The following TNRC18 variants were observed in gnomAD, a reference collection of about 807,000 sequenced individuals.
TNRC18 encodes the protein trinucleotide repeat containing 18.
Under a neutral mutation model 226.7 loss-of-function variants are expected in TNRC18, and 69 were observed. That is an observed-to-expected ratio of 0.30 (90% CI 0.25 to 0.37). The LOEUF is 0.37. TNRC18 is among the 10% of genes least tolerant of loss of function. The pLI, the probability that TNRC18 is intolerant of heterozygous loss-of-function variation, is 1.00. For missense variants in TNRC18, 4,754 were observed against 4,256.6 expected, an observed-to-expected ratio of 1.12 and a Z score of -3.25; for synonymous variants, 2,449 against 1,927.6, an observed-to-expected ratio of 1.27 and a Z score of -7.09.
intron 2 of TNRC18, chr7:5,407,454 G>A (rs1360242178): frequency 6.6e-6 from 1 of 152,200 alleles, no homozygotes; most frequent in Non-Finnish European, 1.5e-5. Flanking sequence ...CCAGCGGAAA[G>A]CCATCCCTGA....
intron 3 of TNRC18, among the ~76,000 whole-genome samples, chr7:5,391,880 G>T (rs1453159848): frequency 6.7e-6 from 1 of 149,526 alleles, no homozygotes; most frequent in East Asian, 2.0e-4. Flanking sequence ...TTTTTAAAGG[G>T]CACACAGAAT....
At chr7:5,325,838 G>T (rs529665954) in intron 19 of TNRC18, among the ~76,000 whole-genome samples, 1 of 142,630 alleles carries the variant, frequency 7.0e-6, no homozygotes, top group Non-Finnish European at 1.5e-5. Flanking sequence ...CTGGGCTCAC[G>T]TTATCCTCCT....
intron 11 of TNRC18, among the ~76,000 whole-genome samples, chr7:5,368,050 A>AG (rs1236979733): frequency 1.5e-4 from 10 of 65,280 alleles, no homozygotes; most frequent in East Asian, 2.9e-4. Flanking sequence ...TTTGCAACGG[A>AG]GAAAAAAAAA....
chr7:5,416,243 T>C (rs1039971471), intron 2 of TNRC18, among the ~76,000 whole-genome samples: 2 of 151,306 alleles, frequency 1.3e-5, no homozygotes, highest in African/African-American at 4.9e-5. Flanking sequence ...TGAAACCCCG[T>C]CTGTACTAAA....
Position 5,406,298 on chromosome 7 carries a change from A to G in TNRC18, c.188-11703T>C, listed in dbSNP as rs147355212. Among the ~76,000 whole-genome samples the G allele has an allele frequency of 5.5e-3, 837 of 151,966 alleles. 11 individuals are homozygous for G. Among genetic ancestry groups the G allele is most frequent in the African/African-American group, 0.019 (793 of 41,422 alleles). On this transcript the variant is annotated intron_variant, in intron 2 of 29. Coordinates refer to ENST00000430969, the MANE Select transcript of TNRC18 (RefSeq NM_001080495.3). Reference sequence around the variant, plus strand: ...ACCAACATGGTGAAATCCCATCTCTACAAAAAATACAAAAAATAGCCCATT... The same window carrying G: ...ACCAACATGGTGAAATCCCATCTCTGCAAAAAATACAAAAAATAGCCCATT...
intron 2 of TNRC18, among the ~76,000 whole-genome samples, chr7:5,408,271 C>G (rs1781609915): frequency 6.7e-6 from 1 of 149,982 alleles, no homozygotes; most frequent in African/African-American, 2.5e-5. Flanking sequence ...TGCACTCCAG[C>G]CTGGCGACAG....
chr7:5,382,382 C>T (rs992404966), intron 5 of TNRC18, among the ~76,000 whole-genome samples: 1 of 152,168 alleles, frequency 6.6e-6, no homozygotes, highest in Non-Finnish European at 1.5e-5. Flanking sequence ...AGCAAAAGCC[C>T]CCGAGTCTGC....
At position 5,388,499 on chromosome 7, in the gene TNRC18, G is replaced by C. The variant is rs1272952579; in HGVS notation, c.1325C>G (p.Ala442Gly). 9.0e-6 allele frequency: 12 copies of C among 1,338,014 alleles called. No homozygotes were observed. Among genetic ancestry groups the C allele is most frequent in the African/African-American group, 1.6e-5 (1 of 63,494 alleles). 82.9% of individuals were successfully genotyped at this position (1,338,014 alleles called of 1,614,324 possible). Residue 442 changes from alanine to glycine, a missense_variant, in exon 5 of 30, where the codon GCG becomes GGG. Transcript: ENST00000430969. ...TGTGGCCCGCACCGTGGGGGCATCC[G>C]CGGGGGGCGGCCGCTTGAGCGAGCG... ...VIRSLKRPPPADAPTVRATRA... is the reference protein window; with the variant it reads ...VIRSLKRPPPGDAPTVRATRA...
intron 19 of TNRC18, among the ~76,000 whole-genome samples, chr7:5,327,417 G>A (rs989839997): frequency 6.6e-6 from 1 of 150,748 alleles, no homozygotes; most frequent in African/African-American, 2.4e-5. Context: ...GTGTGTCTGT[G>A]TGTTTTATTT....
chr7:5,398,424 C>A (rs1780852514), intron 2 of TNRC18, among the ~76,000 whole-genome samples: 1 of 152,242 alleles, frequency 6.6e-6, no homozygotes, highest in Non-Finnish European at 1.5e-5. Flanking sequence ...CCCGCCTCAT[C>A]CTCCCAAAGT....
rs770042339 is a variant in TNRC18, at chr7:5,387,760, C to T, written c.2064G>A (p.Val688=). 1.0e-5 allele frequency: 16 copies of T among 1,608,020 alleles called. No homozygotes were observed. Among genetic ancestry groups the T allele is most frequent in the Non-Finnish European group, 1.4e-5 (16 of 1,179,822 alleles). ...RHPPVGIAVA[V]ARQKDSGGSG... ...TGCCGCCACTGTCCTTCTGCCGGGC[C>T]ACAGCCACTGCAATGCCCACAGGCG... Residue 688 remains valine (V), a synonymous_variant, in exon 5 of 30, where the codon GTG becomes GTA. Transcript: ENST00000430969.
intron 2 of TNRC18, among the ~76,000 whole-genome samples, chr7:5,395,972 G>A (rs1453273418): frequency 4.6e-5 from 7 of 150,548 alleles, no homozygotes; most frequent in Non-Finnish European, 7.4e-5. Context: ...ACTCCAGCCT[G>A]GGCGACAGAG....
At chr7:5,318,443 G>GAC (rs1236957246) in intron 24 of TNRC18, among the ~76,000 whole-genome samples, 3 of 152,210 alleles carry the variant, frequency 2.0e-5, no homozygotes, top group Middle Eastern at 3.4e-3. Context: ...CAGAAAAAAA[G>GAC]ACACACACAC....
At chr7:5,404,852 G>C (rs192591644) in intron 2 of TNRC18, among the ~76,000 whole-genome samples, 1 of 151,948 alleles carries the variant, frequency 6.6e-6, no homozygotes, top group African/African-American at 2.4e-5. Flanking sequence ...GGTAGCTCAT[G>C]CCTGTAATCC....
chr7:5,374,579 G>C, intron 9 of TNRC18, 95 bp from the exon 10 acceptor site: 1 of 1,303,786 alleles, frequency 7.7e-7, no homozygotes, highest in Non-Finnish European at 1.0e-6. Context: ...CCCCGAGTCC[G>C]AGGAGAACCT....
chr7:5,322,283 A>AATC (rs60369027), intron 21 of TNRC18, among the ~76,000 whole-genome samples: 6,559 of 149,434 alleles, frequency 0.044, 493 homozygotes, highest in African/African-American at 0.15. Context: ...CCGTCTCAAT[A>AATC]ATCATCATCA....
chr7:5,368,749 G>T (rs920772357), intron 11 of TNRC18, among the ~76,000 whole-genome samples: 4 of 151,806 alleles, frequency 2.6e-5, no homozygotes, highest in Non-Finnish European at 5.9e-5. Context: ...CTTAATTTGA[G>T]AAGTAAATAT....
intron 5 of TNRC18, among the ~76,000 whole-genome samples, chr7:5,381,972 AAATT>A (rs1469899629): frequency 1.2e-4 from 18 of 152,156 alleles, no homozygotes; most frequent in Non-Finnish European, 2.1e-4. Flanking sequence ...TCTCATAAAT[AAATT>A]AATTAATTAA....
rs1195830784 is a variant in TNRC18 at position 5,329,302 on chromosome 7, TA to T, written c.6147+3319del. Among the ~76,000 whole-genome samples the T allele has an allele frequency of 5.4e-3, 754 of 139,268 alleles. 3 individuals are homozygous for T. Among genetic ancestry groups the T allele is most frequent in the African/African-American group, 9.5e-3 (362 of 38,010 alleles). 91.4% of individuals were successfully genotyped at this position (139,268 alleles called of 152,430 possible). On this transcript the variant is annotated intron_variant, in intron 19 of 29. Coordinates refer to ENST00000430969, the MANE Select transcript of TNRC18 (RefSeq NM_001080495.3). ...TGGGCAGTAGGACAGATTCTGTCTTTAAAAAAAAAAAAAAGATAGAAAATAA... is the reference window on the plus strand; with the variant it reads ...TGGGCAGTAGGACAGATTCTGTCTTTAAAAAAAAAAAAAGATAGAAAATAA...
Sources: gnomAD v4.1 joint callset for allele counts (sites outside exome capture counted in the v4.1 genomes callset) on GRCh38, gnomAD v4.1.1 for gene constraint, MANE v1.5 for transcripts, NCBI Gene and HGNC (gene_info 2026-07-23, HGNC 2026-07-21) for gene names.